SNTG2: variants seen among roughly 807,000 people sequenced by gnomAD.
SNTG2 encodes the protein syntrophin gamma 2.
A neutral mutation model predicts 70.9 loss-of-function variants in SNTG2; 74 were observed. The ratio of observed to expected loss-of-function variants is 1.04; its 90% CI spans 0.86 to 1.27. SNTG2 has a LOEUF of 1.27. Among genes scored for constraint, SNTG2 ranks in the 50% most tolerant of loss-of-function variants. SNTG2 has a pLI of 0.00. For synonymous variants in SNTG2, 278 were observed against 273.8 expected (o/e 1.02, Z -0.15); for missense variants, 717 against 690.7 (o/e 1.04, Z -0.43).
intron 1 of SNTG2, among the ~76,000 whole-genome samples, chr2:1,082,812 G>A (rs560731278): frequency 7.9e-5 from 12 of 152,270 alleles, no homozygotes; most frequent in Non-Finnish European, 1.6e-4. Flanking sequence ...AGGAGGCAAC[G>A]TTTCTAATGA....
intron 2 of SNTG2, among the ~76,000 whole-genome samples, chr2:1,095,097 AAAG>A (rs1359641831): frequency 6.6e-6 from 1 of 151,572 alleles, no homozygotes; most frequent in Admixed American, 6.6e-5. Flanking sequence ...AGAGAAAAAA[AAAG>A]AGAGAGAGAG....
chr2:1,187,565 CTA>C (rs1161683881), intron 8 of SNTG2, among the ~76,000 whole-genome samples: 7 of 152,230 alleles, frequency 4.6e-5, no homozygotes, highest in South Asian at 2.1e-4. Context: ...ATTTATCTCT[CTA>C]CACACACAAA....
At chr2:1,087,001 G>A (rs1291049312) in intron 2 of SNTG2, among the ~76,000 whole-genome samples, 1 of 152,150 alleles carries the variant, frequency 6.6e-6, no homozygotes, top group Non-Finnish European at 1.5e-5. Flanking sequence ...GAAACATGGA[G>A]GGAAATGGGC....
intron 1 of SNTG2, among the ~76,000 whole-genome samples, chr2:986,067 TAGAGAGAGAGAGAGAGAG>T (rs10633277): frequency 8.6e-4 from 111 of 129,802 alleles, no homozygotes; most frequent in African/African-American, 2.8e-3. Flanking sequence ...CTGCAAATAA[TAGAGAGAGAGAGAGAGAG>T]AGAGAGAGAG....
intron 8 of SNTG2, among the ~76,000 whole-genome samples, chr2:1,187,041 G>A (rs1285538102): frequency 6.6e-6 from 1 of 152,182 alleles, no homozygotes; most frequent in South Asian, 2.1e-4. Context: ...GAGACAGACC[G>A]AAGACGTCTA....
At chr2:1,001,246 TAGTACTGAA>T (rs1168250031) in intron 1 of SNTG2, among the ~76,000 whole-genome samples, 1 of 151,980 alleles carries the variant, frequency 6.6e-6, no homozygotes, top group African/African-American at 2.4e-5. Context: ...CTATTCAACA[TAGTACTGAA>T]AGTTTTAGCC....
chr2:1,237,861 CT>C (rs1558579610), intron 9 of SNTG2, 26 bp from the exon 10 acceptor site: 1 of 1,586,350 alleles, frequency 6.3e-7, no homozygotes, highest in East Asian at 2.3e-5. Context: ...GCTGCGGGGC[CT>C]CCTGGACAGC....
At chr2:1,065,841 C>T (rs1663114927) in intron 1 of SNTG2, among the ~76,000 whole-genome samples, 1 of 152,184 alleles carries the variant, frequency 6.6e-6, no homozygotes, top group African/African-American at 2.4e-5. Flanking sequence ...TGCAGAGCCT[C>T]TAACAAGATG....
intron 9 of SNTG2, among the ~76,000 whole-genome samples, chr2:1,233,844 C>T (rs1312180149): frequency 1.3e-5 from 2 of 151,984 alleles, no homozygotes; most frequent in East Asian, 3.9e-4. Flanking sequence ...CCGACACAGT[C>T]AGTGCTTGAC....
chr2:1,207,980 A>G (rs1354720311), intron 8 of SNTG2, among the ~76,000 whole-genome samples: 1 of 152,236 alleles, frequency 6.6e-6, no homozygotes, highest in Non-Finnish European at 1.5e-5. Flanking sequence ...CGAACAAGCA[A>G]GTATGAAAGA....
At chr2:1,302,683 C>T (rs1680509715) in intron 14 of SNTG2, among the ~76,000 whole-genome samples, 1 of 152,038 alleles carries the variant, frequency 6.6e-6, no homozygotes, top group South Asian at 2.1e-4. Flanking sequence ...GGTGTAAATG[C>T]ACCAAGTAAG....
intron 14 of SNTG2, among the ~76,000 whole-genome samples, chr2:1,302,149 CAG>C (rs1271494445): frequency 6.6e-6 from 1 of 151,956 alleles, no homozygotes. Flanking sequence ...TTAGTAGAGA[CAG>C]GGTTTCATCA....
intron 1 of SNTG2, among the ~76,000 whole-genome samples, chr2:957,454 G>T (rs146829115): frequency 2.0e-5 from 3 of 152,098 alleles, no homozygotes; most frequent in African/African-American, 7.2e-5. Context: ...TGCACCTTAC[G>T]TACGTGCAGA....
At chr2:1,241,851 G>T (rs563962295) in intron 11 of SNTG2, among the ~76,000 whole-genome samples, 85 of 152,264 alleles carry the variant, frequency 5.6e-4, no homozygotes, top group Non-Finnish European at 1.1e-3. Context: ...TGGTGGCCTT[G>T]TTTGACAAAG....
chr2:1,326,559 A>T (rs904788094), intron 16 of SNTG2, among the ~76,000 whole-genome samples: 3 of 152,126 alleles, frequency 2.0e-5, no homozygotes, highest in African/African-American at 7.2e-5. Flanking sequence ...CAATTAACAG[A>T]CTTCGTAAAG....
chr2:1,123,425 T>G (rs1283940119), intron 4 of SNTG2, among the ~76,000 whole-genome samples: 1 of 152,228 alleles, frequency 6.6e-6, no homozygotes, highest in Non-Finnish European at 1.5e-5. Context: ...CAACTAATTT[T>G]GGACTAAGGG....
intron 14 of SNTG2, among the ~76,000 whole-genome samples, chr2:1,270,686 A>G (rs138667271): frequency 5.0e-4 from 76 of 152,314 alleles, no homozygotes; most frequent in South Asian, 2.3e-3. Context: ...GCATACTTCA[A>G]ACTCTCCGTA....
intron 4 of SNTG2, among the ~76,000 whole-genome samples, chr2:1,101,678 G>A (rs1171941845): frequency 8.5e-5 from 13 of 152,210 alleles, no homozygotes; most frequent in Admixed American, 5.9e-4. Context: ...GGAGCACAGC[G>A]CTGCCAGATA....
chr2:997,412 T>G (rs1326308212), intron 1 of SNTG2, among the ~76,000 whole-genome samples: 1 of 152,124 alleles, frequency 6.6e-6, no homozygotes, highest in East Asian at 1.9e-4. Context: ...GTGAGAGATG[T>G]AGGATTGTGC....
Sources: gnomAD v4.1 joint callset for allele counts (sites outside exome capture counted in the v4.1 genomes callset) on GRCh38, gnomAD v4.1.1 for gene constraint, MANE v1.5 for transcripts, NCBI Gene and HGNC (gene_info 2026-07-23, HGNC 2026-07-21) for gene names.